ATRNL1: variants seen among roughly 807,000 people sequenced by gnomAD.
ATRNL1 encodes the protein attractin-like protein 1.
A neutral mutation model predicts 182.7 loss-of-function variants in ATRNL1; 95 were observed. The observed-to-expected ratio is 0.52, with a 90% confidence interval of 0.44 to 0.62. ATRNL1 has a LOEUF of 0.62. Among genes scored for constraint, ATRNL1 ranks in the 20% least tolerant of loss-of-function variants. The probability of loss-of-function intolerance (pLI) is 0.00; values close to 1 mark genes in which losing one functional copy is unlikely to be tolerated. For synonymous variants in ATRNL1, 576 were observed against 568.3 expected (o/e 1.01, Z -0.19); for missense variants, 1,471 against 1,679.5 (o/e 0.88, Z 2.17).
intron 26 of ATRNL1, among the ~76,000 whole-genome samples, chr10:115,557,300 G>A (rs1853369126): frequency 6.6e-6 from 1 of 152,074 alleles, no homozygotes. Context: ...CTAAATTTGG[G>A]AATCTCAGCA....
At chr10:115,479,777 A>T (rs1300356068) in intron 24 of ATRNL1, among the ~76,000 whole-genome samples, 1 of 151,380 alleles carries the variant, frequency 6.6e-6, no homozygotes, top group Non-Finnish European at 1.5e-5. Flanking sequence ...CATGCAATTA[A>T]ATCTTGATAA....
At chr10:115,771,465 C>G (rs544798620) in intron 27 of ATRNL1, among the ~76,000 whole-genome samples, 1 of 152,188 alleles carries the variant, frequency 6.6e-6, no homozygotes, top group Admixed American at 6.5e-5. Context: ...CTCCTGACCT[C>G]GTGATCCGCC....
intron 19 of ATRNL1, among the ~76,000 whole-genome samples, chr10:115,343,434 C>A (rs550961548): frequency 6.6e-6 from 1 of 152,024 alleles, no homozygotes; most frequent in Non-Finnish European, 1.5e-5. Flanking sequence ...CTTCCATATG[C>A]GAATTACATC....
At position 115,315,851 on chromosome 10, in the gene ATRNL1, G is replaced by T. The variant is rs1554929501; in HGVS notation, c.3037+115G>T. ...TAGGAAAAAAGCAGAATGAAAATGA[G>T]ACTAAAATGTCAAAGATAAAAAATT... On this transcript the variant is annotated intron_variant, in intron 18 of 28. Coordinates refer to ENST00000355044, the MANE Select transcript of ATRNL1 (RefSeq NM_207303.4). 4 of 787,014 alleles carry T rather than the reference G, an allele frequency of 5.1e-6. No individual in the cohort carries two copies. In the African/African-American group the frequency reaches 7.0e-5, roughly 14 times the overall value. 48.8% of individuals were successfully genotyped at this position (787,014 alleles called of 1,614,324 possible).
intron 26 of ATRNL1, among the ~76,000 whole-genome samples, chr10:115,676,730 C>A (rs72641353): frequency 0.019 from 2,819 of 151,506 alleles, 109 homozygotes; most frequent in East Asian, 0.18. Flanking sequence ...GGGAAAGGAG[C>A]ATAGAGTGGA....
chr10:115,258,857 T>A, intron 10 of ATRNL1, among the ~76,000 whole-genome samples: 1 of 152,224 alleles, frequency 6.6e-6, no homozygotes, highest in East Asian at 1.9e-4. Context: ...TTAGTTTTTC[T>A]TCTAACAGTC....
intron 19 of ATRNL1, among the ~76,000 whole-genome samples, chr10:115,379,932 T>TTC (rs1357236631): frequency 6.6e-6 from 1 of 152,244 alleles, no homozygotes; most frequent in Non-Finnish European, 1.5e-5. Context: ...GTTCACACCC[T>TTC]TCTCTCGCCT....
intron 19 of ATRNL1, among the ~76,000 whole-genome samples, chr10:115,388,054 T>C (rs1215234751): frequency 2.0e-5 from 3 of 152,240 alleles, no homozygotes; most frequent in Non-Finnish European, 4.4e-5. Flanking sequence ...GTTTTGTGAA[T>C]GTTTTATGTG....
At chr10:115,549,577 G>T in intron 26 of ATRNL1, 41 bp downstream of exon 26, 2 of 1,383,426 alleles carry the variant, frequency 1.4e-6, no homozygotes, top group South Asian at 2.7e-5. Context: ...AAAGATTTAA[G>T]CAAATATATG....
intron 28 of ATRNL1, among the ~76,000 whole-genome samples, chr10:115,895,906 G>A (rs1555112423): frequency 6.6e-6 from 1 of 152,178 alleles, no homozygotes. Context: ...TTAGCAGACA[G>A]GGGAAAGAAC....
chr10:115,285,877 G>A (rs1218856656), intron 14 of ATRNL1, among the ~76,000 whole-genome samples: 3 of 151,956 alleles, frequency 2.0e-5, no homozygotes, highest in Non-Finnish European at 4.4e-5. Context: ...CTTGTCTTAT[G>A]TAAACTAGAC....
At chr10:115,874,874 T>C (rs1353831074) in intron 28 of ATRNL1, among the ~76,000 whole-genome samples, 2 of 152,288 alleles carry the variant, frequency 1.3e-5, no homozygotes, top group Admixed American at 6.5e-5. Flanking sequence ...TGGTAGGAAT[T>C]GGGAAACCAT....
At chr10:115,176,391 C>T (rs529692505) in intron 8 of ATRNL1, among the ~76,000 whole-genome samples, 2 of 152,174 alleles carry the variant, frequency 1.3e-5, no homozygotes, top group African/African-American at 2.4e-5. Flanking sequence ...TGCCTATGTC[C>T]TGTGAATTGT....
rs1233130765 is a variant in ATRNL1, at chr10:115,261,783, ACT to A, written c.1688-3407_1688-3406del. Among the ~76,000 whole-genome samples, 16 of 152,006 alleles carry A rather than the reference ACT, an allele frequency of 1.1e-4. 1 individual carries two copies. The highest frequency in any genetic ancestry group is 1.0e-3 in the Admixed American group (16 of 15,244). ...GTGGTGTGCACCTATAATTCCAGAA[ACT>A]CTGGAGGCTGAGGCAGGAGGATTGC... On this transcript the variant is annotated intron_variant, in intron 10 of 28. Transcript: ENST00000355044.
intron 26 of ATRNL1, among the ~76,000 whole-genome samples, chr10:115,644,112 A>G (rs186322137): frequency 2.0e-5 from 3 of 152,264 alleles, no homozygotes; most frequent in East Asian, 1.9e-4. Context: ...TGTTTACACA[A>G]TGGAATGCTA....
chr10:115,550,341 A>C (rs1852895529), intron 26 of ATRNL1, among the ~76,000 whole-genome samples: 1 of 151,726 alleles, frequency 6.6e-6, no homozygotes, highest in Non-Finnish European at 1.5e-5. Context: ...TGGTTTTTGT[A>C]ACAATATAAA....
At chr10:115,185,743 T>C (rs1019033011) in intron 8 of ATRNL1, among the ~76,000 whole-genome samples, 5 of 152,018 alleles carry the variant, frequency 3.3e-5, no homozygotes, top group Non-Finnish European at 7.4e-5. Flanking sequence ...CCCCTACAGA[T>C]TGCTGATAAG....
intron 27 of ATRNL1, among the ~76,000 whole-genome samples, chr10:115,798,777 C>T (rs1186635703): frequency 6.6e-6 from 1 of 151,578 alleles, no homozygotes; most frequent in Non-Finnish European, 1.5e-5. Flanking sequence ...ACTTAAATAT[C>T]TCTCTGTCCA....
chr10:115,925,374 G>A (rs1486395070), intron 28 of ATRNL1, among the ~76,000 whole-genome samples: 3 of 152,016 alleles, frequency 2.0e-5, no homozygotes, highest in Non-Finnish European at 4.4e-5. Flanking sequence ...TAACCAGATA[G>A]CATCAGGATG....
Sources: gnomAD v4.1 joint callset for allele counts (sites outside exome capture counted in the v4.1 genomes callset) on GRCh38, gnomAD v4.1.1 for gene constraint, MANE v1.5 for transcripts, NCBI Gene and HGNC (gene_info 2026-07-23, HGNC 2026-07-21) for gene names.